Variants in SYS1 observed in about 807,000 individuals in gnomAD.
SYS1 encodes protein SYS1 homolog.
Under a neutral mutation model 17.8 loss-of-function variants are expected in SYS1, and 8 were observed. That is an observed-to-expected ratio of 0.45 (90% CI 0.26 to 0.81). The LOEUF (loss-of-function observed/expected upper bound fraction) is 0.81, where lower values mean the gene tolerates loss of function less well. Ranked by LOEUF, SYS1 falls within the 40% of genes least tolerant of loss-of-function variation. The pLI, the probability that SYS1 is intolerant of heterozygous loss-of-function variation, is 0.16. For synonymous variants in SYS1, 95 were observed against 90.9 expected, an observed-to-expected ratio of 1.05 and a Z score of -0.26; for missense variants, 161 against 203.9, an observed-to-expected ratio of 0.79 and a Z score of 1.28.
intron 2 of SYS1, among the ~76,000 whole-genome samples, chr20:45,364,384 G>C (rs1233544555): frequency 6.6e-6 from 1 of 150,788 alleles, no homozygotes; most frequent in Non-Finnish European, 1.5e-5. Flanking sequence ...TTAGGAATAA[G>C]AAGGTACTTT....
rs1002535500 is a variant in SYS1, at chr20:45,367,493, C to T, written c.*378C>T. 6.7e-6 allele frequency: 7 copies of T among 1,038,732 alleles called. No homozygotes were observed. In the African/African-American group the frequency reaches 6.8e-5, roughly 10 times the overall value. The allele number at this position is 1,038,732 out of a possible 1,614,324, so 64.3% of individuals were successfully genotyped here. A position where few individuals can be genotyped will look rare whatever the true frequency, so the allele number is the denominator to read the frequency against. On this transcript the variant is annotated 3_prime_UTR_variant, in exon 4 of 4. Transcript: ENST00000243918. ...ACTTCTTTAGTCATCTGTCTTACCCCCCTGGGACAGCTGTTACCTTTGCAG... is the reference window on the plus strand; with the variant it reads ...ACTTCTTTAGTCATCTGTCTTACCCTCCTGGGACAGCTGTTACCTTTGCAG...
In SYS1 at chr20:45,368,068, G is replaced by A. The variant is rs1056880158; in HGVS notation, c.*953G>A. The A allele has an allele frequency of 2.2e-5, 22 of 985,342 alleles. No individual in the cohort carries two copies. In the African/African-American group the frequency reaches 3.8e-4, roughly 17 times the overall value. 61.0% of individuals were successfully genotyped at this position (985,342 alleles called of 1,614,324 possible). A position where few individuals can be genotyped will look rare whatever the true frequency, so the allele number is the denominator to read the frequency against. On this transcript the variant is annotated 3_prime_UTR_variant, in exon 4 of 4. Coordinates refer to ENST00000243918, the MANE Select transcript of SYS1 (RefSeq NM_033542.4). ...TTGGGGTGGAGTTTCCTCTGTGAGG[G>A]GCTTGCAGCTATCCTTCCTGTGTAT...
At chr20:45,372,215 G>A (rs1163827887), downstream of SYS1, among the ~76,000 whole-genome samples, 1 of 152,262 alleles carries the variant, frequency 6.6e-6, no homozygotes, top group Non-Finnish European at 1.5e-5. Context: ...GGGCAGGTGG[G>A]ATGAGGTGGA....
chr20:45,366,558 A>G (rs1020255227), intron 3 of SYS1, among the ~76,000 whole-genome samples: 6 of 152,198 alleles, frequency 3.9e-5, no homozygotes, highest in Admixed American at 6.5e-5. Context: ...ACCTTCTAGC[A>G]TGATAAGATT....
At position 45,367,425 on chromosome 20, in the gene SYS1, T is replaced by G. The variant is rs1988452879; in HGVS notation, c.*310T>G. The G allele has an allele frequency of 8.5e-7, 1 of 1,174,812 alleles. No individual in the cohort carries two copies. The highest frequency in any genetic ancestry group is 2.3e-5 in the South Asian group (1 of 44,204). 72.8% of individuals were successfully genotyped at this position (1,174,812 alleles called of 1,614,324 possible). A position where few individuals can be genotyped will look rare whatever the true frequency, so the allele number is the denominator to read the frequency against. ...CAATACCTGTCACCAGCCTGTTGTT[T>G]TAAGAGAGAAAAAAAATCAAGGATA... On this transcript the variant is annotated 3_prime_UTR_variant, in exon 4 of 4. Coordinates refer to ENST00000243918, the MANE Select transcript of SYS1 (RefSeq NM_033542.4).
At chr20:45,376,367 C>T (rs1277226181) in exon 4 of SYS1, 1 of 152,186 alleles carries the variant, frequency 6.6e-6, no homozygotes, top group Non-Finnish European at 1.5e-5. Context: ...AATAATGGCT[C>T]CCGCTGATTG....
chr20:45,370,590 A>G (rs1988540774), downstream of SYS1, among the ~76,000 whole-genome samples: 1 of 152,098 alleles, frequency 6.6e-6, no homozygotes, highest in Admixed American at 6.5e-5. Flanking sequence ...CAGGGGGTAC[A>G]ATGGGAAGCT....
At chr20:45,364,167 G>C (rs2145349218) in intron 2 of SYS1, among the ~76,000 whole-genome samples, 1 of 152,346 alleles carries the variant, frequency 6.6e-6, no homozygotes, top group East Asian at 1.9e-4. Context: ...AAAACCATGA[G>C]ACTAGTTGCA....
At chr20:45,374,810 C>G in exon 4 of SYS1, 1 of 576,736 alleles carries the variant, frequency 1.7e-6, no homozygotes, top group Non-Finnish European at 3.0e-6. Flanking sequence ...CCCCTCCTTC[C>G]ACACATCTCC....
intron 2 of SYS1, 77 bp from the exon 3 acceptor site, chr20:45,365,542 C>A: frequency 7.2e-7 from 1 of 1,393,416 alleles, no homozygotes; most frequent in South Asian, 1.2e-5. Flanking sequence ...ATGCTTGTTC[C>A]TTAGGAGGCT....
chr20:45,373,716 G>T (rs974126244), downstream of SYS1: 1 of 604,480 alleles, frequency 1.7e-6, no homozygotes, highest in Non-Finnish European at 2.9e-6. Flanking sequence ...GCTCGCGGAG[G>T]TGGGGGAGGG....
At chr20:45,363,431 G>A in intron 1 of SYS1, 98 bp from the exon 2 acceptor site, 1 of 1,468,112 alleles carries the variant, frequency 6.8e-7, no homozygotes, top group African/African-American at 1.4e-5. Context: ...CTGACTCTTG[G>A]AATGGGCTCA....
At chr20:45,376,546 A>C (rs1273967126) in exon 4 of SYS1, 5 of 152,254 alleles carry the variant, frequency 3.3e-5, no homozygotes, top group Admixed American at 1.3e-4. Flanking sequence ...TTTGGGCAAG[A>C]TATTTAACCT....
At chr20:45,374,348 C>T in exon 4 of SYS1, 1 of 672,354 alleles carries the variant, frequency 1.5e-6, no homozygotes, top group South Asian at 1.6e-5. Context: ...TCACAGCTCA[C>T]TGCAGCCTCG....
downstream of SYS1, chr20:45,373,660 G>A (rs1988624694): frequency 3.6e-6 from 2 of 551,356 alleles, no homozygotes; most frequent in Non-Finnish European, 3.3e-6. Context: ...CACCCAGGAA[G>A]CACACGAGCG....
chr20:45,364,385 A>G (rs1469764119), intron 2 of SYS1, among the ~76,000 whole-genome samples: 4 of 151,644 alleles, frequency 2.6e-5, no homozygotes, highest in Non-Finnish European at 4.4e-5. Context: ...TAGGAATAAG[A>G]AGGTACTTTG....
exon 4 of SYS1, chr20:45,376,695 G>A (rs1187896991): frequency 1.3e-5 from 2 of 151,794 alleles, no homozygotes; most frequent in Non-Finnish European, 2.9e-5. Flanking sequence ...ACCAATCAAT[G>A]TTAGCTTTCT....
chr20:45,365,829 G>C, intron 3 of SYS1, 143 bp downstream of exon 3: 2 of 785,968 alleles, frequency 2.5e-6, no homozygotes, highest in Non-Finnish European at 4.5e-6. Flanking sequence ...TCTGGGACCA[G>C]CTGTATAATG....
At chr20:45,375,109 C>T (rs746467139) in exon 4 of SYS1, 16 of 1,613,964 alleles carry the variant, frequency 9.9e-6, no homozygotes, top group Admixed American at 3.3e-5. Flanking sequence ...CTTGACCCAA[C>T]GCAGGGTGGA....
Sources: allele counts gnomAD v4.1 joint callset (sites outside exome capture counted in the v4.1 genomes callset), GRCh38; gene constraint gnomAD v4.1.1; transcripts MANE v1.5; gene names NCBI Gene and HGNC (gene_info 2026-07-23, HGNC 2026-07-21).